The following ZNF680 variants were observed in gnomAD, a reference collection of about 807,000 sequenced individuals.
The protein encoded by ZNF680 is zinc finger protein 680.
In ZNF680, 6 loss-of-function variants were observed where a neutral mutation model predicts 12.1. The ratio of observed to expected loss-of-function variants is 0.49; its 90% CI spans 0.27 to 0.98. ZNF680 has a LOEUF of 0.98. Among genes scored for constraint, ZNF680 ranks in the 50% least tolerant of loss-of-function variants. ZNF680 has a pLI of 0.12. For synonymous variants in ZNF680, 170 were observed against 199.3 expected, an observed-to-expected ratio of 0.85 and a Z score of 1.24; for missense variants, 561 against 616.3, an observed-to-expected ratio of 0.91 and a Z score of 0.95.
the ZNF680 span, among the ~76,000 whole-genome samples, chr7:64,507,403 A>G: frequency 6.6e-6 from 1 of 152,218 alleles, no homozygotes; most frequent in African/African-American, 2.4e-5. Flanking sequence ...TATATTGTGT[A>G]TAGTAAACAA....
intron 1 of ZNF680, among the ~76,000 whole-genome samples, chr7:64,546,331 C>T (rs1340891871): frequency 4.6e-5 from 7 of 152,152 alleles, no homozygotes. Flanking sequence ...CCCTGTTTAC[C>T]TGCTACCACC....
chr7:64,559,189 T>G (rs575368490), intron 1 of ZNF680, among the ~76,000 whole-genome samples: 20 of 152,352 alleles, frequency 1.3e-4, no homozygotes, highest in Non-Finnish European at 2.8e-4. Flanking sequence ...AATCTTTGCA[T>G]GACCCAGTTC....
chr7:64,541,656 C>T (rs1786507678), intron 3 of ZNF680, among the ~76,000 whole-genome samples: 1 of 150,934 alleles, frequency 6.6e-6, no homozygotes, highest in African/African-American at 2.4e-5. Context: ...TGGAAAAATA[C>T]AGGACCCCTG....
In ZNF680 at chr7:64,521,520, C is replaced by T. The variant is rs1282583075; in HGVS notation, c.1234G>A (p.Gly412Ser). 1 of 1,613,364 alleles carries T rather than the reference C, an allele frequency of 6.2e-7. No individual in the cohort carries two copies. Among genetic ancestry groups the T allele is most frequent in the South Asian group, 1.1e-5 (1 of 91,074 alleles). Residue 412 changes from glycine to serine, a missense_variant, in exon 4 of 4, where the codon GGC becomes AGC. Transcript: ENST00000309683. ...GEKPYKCEEC[G>S]KAFNGCSSLT... ...CTGGAGCACCCATTAAAAGCTTTGCCACATTCTTCACATTTGTAGGGTTTC... is the reference window on the plus strand; with the variant it reads ...CTGGAGCACCCATTAAAAGCTTTGCTACATTCTTCACATTTGTAGGGTTTC...
chr7:64,522,883 T>C (rs542911713), intron 3 of ZNF680, among the ~76,000 whole-genome samples: 110 of 151,106 alleles, frequency 7.3e-4, no homozygotes, highest in African/African-American at 2.4e-3. Flanking sequence ...ATGAAAAAAA[T>C]AGATATCAAA....
chr7:64,544,847 G>A (rs17540510), intron 1 of ZNF680, among the ~76,000 whole-genome samples: 5,963 of 152,120 alleles, frequency 0.039, 383 homozygotes, highest in East Asian at 0.33. Context: ...CTTATTATGC[G>A]GATTGTTTTT....
chr7:64,531,422 C>G (rs1021645416), intron 3 of ZNF680, among the ~76,000 whole-genome samples: 1 of 151,832 alleles, frequency 6.6e-6, no homozygotes, highest in Admixed American at 6.6e-5. Flanking sequence ...GGGGAAACCC[C>G]GTCCCTACTA....
chr7:64,509,549 C>A, the ZNF680 span, among the ~76,000 whole-genome samples: 1 of 152,038 alleles, frequency 6.6e-6, no homozygotes, highest in South Asian at 2.1e-4. Context: ...TTTTTTAATT[C>A]TTCACTGGGG....
chr7:64,532,201 A>G (rs1018577115), intron 3 of ZNF680, among the ~76,000 whole-genome samples: 2 of 151,854 alleles, frequency 1.3e-5, no homozygotes, highest in South Asian at 2.1e-4. Context: ...GCTACTCGGG[A>G]GGCTGAGGCA....
the ZNF680 span, among the ~76,000 whole-genome samples, chr7:64,508,123 G>GTGTATATATATATATA: frequency 3.1e-4 from 36 of 117,684 alleles, no homozygotes; most frequent in African/African-American, 1.1e-3. Context: ...ATTTTAAAAT[G>GTGTATATATATATATA]TATATATATA....
chr7:64,542,958 C>T (rs1389003107), intron 3 of ZNF680, among the ~76,000 whole-genome samples: 1 of 152,174 alleles, frequency 6.6e-6, no homozygotes, highest in African/African-American at 2.4e-5. Context: ...CTTGGCCTCC[C>T]AAAGTGCTGG....
the ZNF680 span, among the ~76,000 whole-genome samples, chr7:64,499,485 C>T: frequency 1.3e-5 from 2 of 152,158 alleles, no homozygotes; most frequent in Non-Finnish European, 2.9e-5. Flanking sequence ...CAGGTGGGCA[C>T]GGTGGCTGAC....
At chr7:64,501,058 G>C in the ZNF680 span, 4 of 801,472 alleles carry the variant, frequency 5.0e-6, no homozygotes, top group African/African-American at 1.7e-5. Flanking sequence ...TGCTGGCCAG[G>C]TTTTAGATAT....
intron 1 of ZNF680, among the ~76,000 whole-genome samples, chr7:64,559,529 G>A (rs1394907282): frequency 1.3e-5 from 2 of 151,920 alleles, no homozygotes. Flanking sequence ...CACCCAGGCT[G>A]GAGTGCAGTG....
chr7:64,520,888 T>A lies in ZNF680; in HGVS notation c.*273A>T. 3.1e-6 allele frequency: 1 copy of A among 325,910 alleles called. No homozygotes were observed. The highest frequency in any genetic ancestry group is 5.6e-6 in the Non-Finnish European group (1 of 179,100). The allele number at this position is 325,910 out of a possible 1,614,324, so 20.2% of individuals were successfully genotyped here. A position where few individuals can be genotyped will look rare whatever the true frequency, so the allele number is the denominator to read the frequency against. On this transcript the variant is annotated 3_prime_UTR_variant, in exon 4 of 4. Transcript: ENST00000309683. ...GCATTTATAATGCTTTTAATAAGTA[T>A]AAACTCTGGTGTTGAGTAAGATGTG... is the stretch of plus-strand genomic sequence containing the variant.
chr7:64,535,999 T>A (rs1786144747), intron 3 of ZNF680, among the ~76,000 whole-genome samples: 3 of 152,082 alleles, frequency 2.0e-5, no homozygotes, highest in East Asian at 3.9e-4. Flanking sequence ...TAATCAAAGA[T>A]TGATATTATA....
At chr7:64,501,344 C>T in the ZNF680 span, 1 of 1,230,126 alleles carries the variant, frequency 8.1e-7, no homozygotes, top group Middle Eastern at 2.2e-4. Flanking sequence ...GGCTTCAATT[C>T]TAAGAGTGGA....
At chr7:64,560,674 T>C (rs1232622468) in intron 1 of ZNF680, among the ~76,000 whole-genome samples, 1 of 152,078 alleles carries the variant, frequency 6.6e-6, no homozygotes, top group East Asian at 1.9e-4. Context: ...TAGCTGAGTG[T>C]GGTGGCTAGC....
chr7:64,501,593 T>C, the ZNF680 span: 1 of 747,920 alleles, frequency 1.3e-6, no homozygotes, highest in Non-Finnish European at 2.4e-6. Flanking sequence ...CAGATGACTC[T>C]GCTGAGGAGG....
Sources: allele counts gnomAD v4.1 joint callset (sites outside exome capture counted in the v4.1 genomes callset), GRCh38; gene constraint gnomAD v4.1.1; transcripts MANE v1.5; gene names NCBI Gene and HGNC (gene_info 2026-07-23, HGNC 2026-07-21).